IQSEC3: variants seen among roughly 807,000 people sequenced by gnomAD.
The protein encoded by IQSEC3 is IQ motif and SEC7 domain-containing protein 3.
Under a neutral mutation model 105.4 loss-of-function variants are expected in IQSEC3, and 50 were observed. That is an observed-to-expected ratio of 0.47 (90% confidence interval 0.38 to 0.60). The LOEUF is 0.60. Ranked by LOEUF, IQSEC3 falls within the 20% of genes least tolerant of loss-of-function variation. The pLI, the probability that IQSEC3 is intolerant of heterozygous loss-of-function variation, is 0.00. For synonymous variants in IQSEC3, 708 were observed against 746.0 expected (o/e 0.95, Z 0.83); for missense variants, 1,415 against 1,630.0 (o/e 0.87, Z 2.27).
chr12:97,310 A>G (rs1210174771), intron 1 of IQSEC3, among the ~76,000 whole-genome samples: 4 of 151,706 alleles, frequency 2.6e-5, no homozygotes, highest in African/African-American at 9.7e-5. Context: ...GTGTCTTTTG[A>G]CTTATTAGGG....
At chr12:77,942 G>A (rs1555069704) in intron 1 of IQSEC3, among the ~76,000 whole-genome samples, 2 of 150,482 alleles carry the variant, frequency 1.3e-5, no homozygotes, top group Non-Finnish European at 3.0e-5. Flanking sequence ...GGAATCTCCC[G>A]GCCCACGCGC....
chr12:142,264 C>T (rs1555089528), intron 5 of IQSEC3: 2 of 152,226 alleles, frequency 1.3e-5, no homozygotes, highest in African/African-American at 4.8e-5. Flanking sequence ...GGGGAGTCAT[C>T]CACCCAGTGG....
At chr12:173,511 G>C (rs1290750101) in intron 13 of IQSEC3, among the ~76,000 whole-genome samples, 1 of 152,156 alleles carries the variant, frequency 6.6e-6, no homozygotes, top group Non-Finnish European at 1.5e-5. Flanking sequence ...TGGGCCAGCT[G>C]GGTCTAGGCC....
At chr12:159,153 C>G (rs1866800899) in intron 7 of IQSEC3, among the ~76,000 whole-genome samples, 1 of 152,240 alleles carries the variant, frequency 6.6e-6, no homozygotes, top group Admixed American at 6.5e-5. Flanking sequence ...TCTATACTTT[C>G]CTTGGAGTTA....
rs1939166297 is a variant in IQSEC3 at position 174,483 on chromosome 12, G to C, written c.3115-116G>C. 3 of 961,980 alleles carry C rather than the reference G, an allele frequency of 3.1e-6. No homozygotes were observed. In the East Asian group the frequency reaches 8.3e-5, roughly 27 times the overall value. 59.6% of individuals were successfully genotyped at this position (961,980 alleles called of 1,614,324 possible). A position where few individuals can be genotyped will look rare whatever the true frequency, so the allele number is the denominator to read the frequency against. ...TTGTGGGTGGAGAGATGGCGAGAGG[G>C]TCAGAGTGAGGGCTGAGAGTGGGAG... On this transcript the variant is annotated intron_variant, in intron 13 of 13. Coordinates refer to ENST00000538872, the MANE Select transcript of IQSEC3 (RefSeq NM_001170738.2).
At chr12:119,143 T>C (rs1555081296) in intron 2 of IQSEC3, among the ~76,000 whole-genome samples, 1 of 152,158 alleles carries the variant, frequency 6.6e-6, no homozygotes, top group Non-Finnish European at 1.5e-5. Flanking sequence ...AGCAGGTAGT[T>C]GCAGAGCCTG....
chr12:78,442 C>A (rs1166767997), intron 1 of IQSEC3, among the ~76,000 whole-genome samples: 1 of 151,852 alleles, frequency 6.6e-6, no homozygotes, highest in Non-Finnish European at 1.5e-5. Context: ...GACGGTGACA[C>A]CGAGGTACAA....
intron 2 of IQSEC3, among the ~76,000 whole-genome samples, chr12:99,443 C>CA (rs1441915602): frequency 6.6e-6 from 1 of 152,220 alleles, no homozygotes; most frequent in Non-Finnish European, 1.5e-5. Flanking sequence ...TCACACCCCA[C>CA]ACGTAGGCTC....
intron 5 of IQSEC3, among the ~76,000 whole-genome samples, chr12:153,349 G>C (rs576422054): frequency 1.2e-4 from 18 of 152,264 alleles, no homozygotes; most frequent in African/African-American, 4.3e-4. Context: ...CAGCCAGCCA[G>C]GAGTGCTGCT....
In IQSEC3 at chr12:171,223, C is replaced by T. The variant is rs574928096; in HGVS notation, c.3114+62C>T. ...CCTGCCCCCTTGTTCTTCTTCTCACCGTCTCTGTTGTTTCTCTTCTCAGGT... is the reference window on the plus strand; with the variant it reads ...CCTGCCCCCTTGTTCTTCTTCTCACTGTCTCTGTTGTTTCTCTTCTCAGGT... On this transcript the variant is annotated intron_variant, in intron 13 of 13. Coordinates refer to ENST00000538872, the MANE Select transcript of IQSEC3 (RefSeq NM_001170738.2). 132 of 1,613,744 alleles carry T rather than the reference C, an allele frequency of 8.2e-5. 1 individual carries two copies. In the East Asian group the frequency reaches 2.3e-3, roughly 28 times the overall value.
At chr12:147,304 G>A (rs1866316316) in intron 5 of IQSEC3, among the ~76,000 whole-genome samples, 2 of 152,198 alleles carry the variant, frequency 1.3e-5, no homozygotes, top group Admixed American at 1.3e-4. Context: ...AGCTCACACA[G>A]ATCAGCATGT....
rs1185823639 is a variant in IQSEC3 at position 175,277 on chromosome 12, A to T, written c.*244A>T. 2.2e-6 allele frequency: 1 copy of T among 453,752 alleles called. No homozygotes were observed. Among genetic ancestry groups the T allele is most frequent in the Non-Finnish European group, 3.9e-6 (1 of 258,620 alleles). The allele number at this position is 453,752 out of a possible 1,614,324, so 28.1% of individuals were successfully genotyped here. On this transcript the variant is annotated 3_prime_UTR_variant, in exon 14 of 14. Transcript: ENST00000538872. ...CTCTCCCAGGGCCCTACACAGCCAGACCCGGCGAGGCCTCCTCTTCCCCTG... is the reference window on the plus strand; with the variant it reads ...CTCTCCCAGGGCCCTACACAGCCAGTCCCGGCGAGGCCTCCTCTTCCCCTG...
chr12:163,621 T>C lies in IQSEC3; in HGVS notation c.2709+2T>C. On this transcript the variant is annotated splice_donor_variant, in intron 9 of 13. Coordinates refer to ENST00000538872, the MANE Select transcript of IQSEC3 (RefSeq NM_001170738.2). LOFTEE classifies it high-confidence loss of function. ...TTCCTCTTCAATGACCTGCTGGTGG[T>C]GAGTGGCCTCCGCTCCGGGACTGGG... 2.1e-6 allele frequency: 3 copies of C among 1,449,118 alleles called. No homozygotes were observed. The highest frequency in any genetic ancestry group is 2.9e-6 in the Non-Finnish European group (3 of 1,030,770). The allele number at this position is 1,449,118 out of a possible 1,614,324, so 89.8% of individuals were successfully genotyped here.
intron 2 of IQSEC3, among the ~76,000 whole-genome samples, chr12:118,737 C>G (rs1555081189): frequency 6.6e-6 from 1 of 152,232 alleles, no homozygotes; most frequent in East Asian, 1.9e-4. Flanking sequence ...TCATTCCAGC[C>G]CCTCTGGTAG....
At chr12:111,991 C>G (rs1213868763) in intron 2 of IQSEC3, 1 of 152,208 alleles carries the variant, frequency 6.6e-6, no homozygotes, top group Non-Finnish European at 1.5e-5. Flanking sequence ...CCCTAGTGCA[C>G]AGGTCTCTCC....
chr12:119,487 G>A (rs1316695841), intron 2 of IQSEC3, among the ~76,000 whole-genome samples: 2 of 152,196 alleles, frequency 1.3e-5, no homozygotes, highest in Non-Finnish European at 2.9e-5. Context: ...AGATCTGGGG[G>A]CAGAGAGACC....
chr12:157,756 C>T, intron 7 of IQSEC3, 62 bp downstream of exon 7: 1 of 1,534,752 alleles, frequency 6.5e-7, no homozygotes, highest in Non-Finnish European at 8.9e-7. Context: ...ATTCTGTGCA[C>T]CGTGCATTCT....
intron 2 of IQSEC3, among the ~76,000 whole-genome samples, chr12:110,046 C>G (rs1864827777): frequency 6.6e-6 from 1 of 152,040 alleles, no homozygotes; most frequent in Non-Finnish European, 1.5e-5. Context: ...CTTCCACACA[C>G]AGTTGTGTGG....
chr12:159,833 G>T (rs550473921), intron 7 of IQSEC3, among the ~76,000 whole-genome samples: 1 of 152,042 alleles, frequency 6.6e-6, no homozygotes, highest in Non-Finnish European at 1.5e-5. Context: ...AATTTCTCTG[G>T]ACTCTCTTTC....
Sources: gnomAD v4.1 joint callset for allele counts (sites outside exome capture counted in the v4.1 genomes callset) on GRCh38, gnomAD v4.1.1 for gene constraint, MANE v1.5 for transcripts, NCBI Gene and HGNC (gene_info 2026-07-23, HGNC 2026-07-21) for gene names.